Variants in GNA13 observed in about 807,000 individuals in gnomAD.
The protein encoded by GNA13 is guanine nucleotide-binding protein subunit alpha-13.
In GNA13, 4 loss-of-function variants were observed where a neutral mutation model predicts 33.5. The observed-to-expected ratio is 0.12, with a 90% CI of 0.06 to 0.27. GNA13 has a LOEUF of 0.27. GNA13 is among the 10% of genes least tolerant of loss of function. The pLI is 1.00. For missense variants in GNA13, 319 were observed against 487.2 expected (o/e 0.65, Z 3.25); for synonymous variants, 176 against 183.8 (o/e 0.96, Z 0.34).
Position 65,014,661 on chromosome 17 carries a change from G to C in GNA13, c.730C>G (p.Leu244Val). Residue 244 changes from leucine to valine, a missense_variant, in exon 4 of 4, where the codon CTT becomes GTT. Leu to Val is a conservative substitution (Grantham distance 32, BLOSUM62 1). Around this residue, in one of 4 missense-constraint regions of GNA13, gnomAD observed 134 missense variants for 241.3 expected, o/e 0.56. Coordinates refer to ENST00000439174, the MANE Select transcript of GNA13 (RefSeq NM_006572.6). This position sits in a 1 kb window ranked among gnomAD's most constrained non-coding sequence, Gnocchi z 5.3. Reference sequence around the variant, plus strand: ...AATTCACTTGAGGAAACAAGGAAAAGTATTGATGTCACACTGTCGAAACAT... The same window carrying C: ...AATTCACTTGAGGAAACAAGGAAAACTATTGATGTCACACTGTCGAAACAT... ...FECFDSVTSILFLVSSSEFDQ... is the reference protein window; with the variant it reads ...FECFDSVTSIVFLVSSSEFDQ... The C allele has an allele frequency of 6.2e-7, 1 of 1,614,194 alleles. No individual in the cohort carries two copies. Among genetic ancestry groups the C allele is most frequent in the Non-Finnish European group, 8.5e-7 (1 of 1,180,020 alleles).
intron 2 of GNA13, among the ~76,000 whole-genome samples, chr17:65,042,063 A>G (rs1173083167): frequency 6.6e-6 from 1 of 152,210 alleles, no homozygotes; most frequent in Non-Finnish European, 1.5e-5. Context: ...GGTACTGTGA[A>G]AAAATGAAGA....
In GNA13 at chr17:65,053,580, T is replaced by C. The variant is rs41300618; in HGVS notation, c.432A>G (p.Gln144=). 20,089 of 1,613,844 alleles carry C rather than the reference T, an allele frequency of 0.012. 154 individuals carry two copies. Among genetic ancestry groups the C allele is most frequent in the Admixed American group, 0.025 (1,514 of 60,016 alleles). The stretch of plus-strand genomic sequence containing the variant: ...ATAATGCTCTTATAGCAGGAAGATA[T>C]TGTAAGAAAACCCTTGTTTCCACCA... The part of the protein sequence containing the change: ...QGMVETRVFL[Q]YLPAIRALWA... Residue 144 remains glutamine (Q), a synonymous_variant, in exon 2 of 4, where the codon CAA becomes CAG. Coordinates refer to ENST00000439174, the MANE Select transcript of GNA13 (RefSeq NM_006572.6).
intron 2 of GNA13, among the ~76,000 whole-genome samples, chr17:65,033,727 A>G (rs1481689187): frequency 1.3e-5 from 2 of 151,940 alleles, no homozygotes; most frequent in Non-Finnish European, 2.9e-5. Flanking sequence ...TAAAATTTTC[A>G]AAAGAGGCCG....
In GNA13 at chr17:65,014,928, A is replaced by G; in HGVS notation, c.562-99T>C. The G allele has an allele frequency of 1.5e-6, 1 of 680,410 alleles. No individual in the cohort carries two copies. The highest frequency in any genetic ancestry group is 2.5e-6 in the Non-Finnish European group (1 of 397,248). The allele number at this position is 680,410 out of a possible 1,614,324, so 42.1% of individuals were successfully genotyped here. ...ACTAGTGAATAGATATGCAAACAAA[A>G]TGATCTTTTAAGTGACATTTTCAGA... On this transcript the variant is annotated intron_variant, in intron 3 of 3. Transcript: ENST00000439174. This position sits in a 1 kb window ranked among gnomAD's most constrained non-coding sequence, Gnocchi z 5.3.
intron 2 of GNA13, among the ~76,000 whole-genome samples, chr17:65,037,418 T>C (rs1278209412): frequency 6.6e-6 from 1 of 152,210 alleles, no homozygotes; most frequent in East Asian, 1.9e-4. Flanking sequence ...CCTGCTGCCA[T>C]AGTCAGCATA....
chr17:65,053,206 C>T (rs1394259781), intron 2 of GNA13: 1 of 305,334 alleles, frequency 3.3e-6, no homozygotes, highest in African/African-American at 2.2e-5. Flanking sequence ...TTTGAAATAT[C>T]TGCATACATA....
At chr17:65,021,574 C>T (rs954915913) in intron 2 of GNA13, among the ~76,000 whole-genome samples, 1 of 152,156 alleles carries the variant, frequency 6.6e-6, no homozygotes, top group Non-Finnish European at 1.5e-5. Flanking sequence ...TTCTGCACAG[C>T]TAAAATATTA....
chr17:65,044,742 A>G (rs1907592773), intron 2 of GNA13, among the ~76,000 whole-genome samples: 1 of 152,168 alleles, frequency 6.6e-6, no homozygotes, highest in Non-Finnish European at 1.5e-5. Context: ...GAAGCATTTC[A>G]AAGGAGTTCA....
intron 2 of GNA13, among the ~76,000 whole-genome samples, chr17:65,021,668 C>A (rs1438271876): frequency 2.0e-5 from 3 of 152,184 alleles, no homozygotes; most frequent in Non-Finnish European, 2.9e-5. Context: ...AAGAACTGAT[C>A]TGCTGTTTTA....
intron 1 of GNA13, chr17:65,055,631 AT>A (rs1165394210): frequency 6.0e-5 from 59 of 985,246 alleles, no homozygotes; most frequent in Non-Finnish European, 7.1e-5. Flanking sequence ...CAGATGCTAC[AT>A]TTTCATGCTA....
intron 2 of GNA13, among the ~76,000 whole-genome samples, chr17:65,045,507 C>CAAAA (rs369520601): frequency 1.2e-4 from 10 of 86,890 alleles, no homozygotes; most frequent in East Asian, 3.7e-4. Context: ...GACTCTGTCT[C>CAAAA]AAAAAAAAAA....
At chr17:65,022,135 A>G (rs748782093) in intron 2 of GNA13, among the ~76,000 whole-genome samples, 1 of 152,224 alleles carries the variant, frequency 6.6e-6, no homozygotes, top group Admixed American at 6.5e-5. Context: ...AACTTAAAAG[A>G]CTATTTCATG....
rs545394137 is a variant in GNA13, at chr17:65,025,328, T to A, written c.511-7025A>T. 2.1e-3 allele frequency among the ~76,000 whole-genome samples: 326 copies of A among 152,304 alleles called. 2 individuals carry two copies. The highest frequency in any genetic ancestry group is 3.8e-3 in the Non-Finnish European group (259 of 68,022). Reference sequence around the variant, plus strand: ...TAAGTCTATATATAGCTTCCTCTTTTAAAAAAACTTATTTGACAATTCTGA... The same window carrying A: ...TAAGTCTATATATAGCTTCCTCTTTAAAAAAAACTTATTTGACAATTCTGA... On this transcript the variant is annotated intron_variant, in intron 2 of 3. Transcript: ENST00000439174.
At chr17:65,028,981 A>C (rs1906903628) in intron 2 of GNA13, among the ~76,000 whole-genome samples, 1 of 152,208 alleles carries the variant, frequency 6.6e-6, no homozygotes, top group South Asian at 2.1e-4. Context: ...AGAAAAAAAA[A>C]GGAGGCAGAG....
At position 65,056,626 on chromosome 17, in the gene GNA13, C is replaced by T. The variant is rs1457454484; in HGVS notation, c.-33G>A. On this transcript the variant is annotated 5_prime_UTR_variant, in exon 1 of 4. Coordinates refer to ENST00000439174, the MANE Select transcript of GNA13 (RefSeq NM_006572.6). ...CCGCCGCCGCCGCCTCGGCGGGCCC[C>T]TCCGGCTCCCTCCACCTCCTCCTCC... The T allele has an allele frequency of 6.3e-7, 1 of 1,579,766 alleles. No individual in the cohort carries two copies. Among genetic ancestry groups the T allele is most frequent in the Non-Finnish European group, 8.6e-7 (1 of 1,165,282 alleles).
At chr17:65,055,892 C>CCCCT in intron 1 of GNA13, 1 of 282,574 alleles carries the variant, frequency 3.5e-6, no homozygotes, top group Non-Finnish European at 5.4e-6. Context: ...CGGCCCACAT[C>CCCCT]GCCCGAGCAG....
intron 2 of GNA13, among the ~76,000 whole-genome samples, chr17:65,041,244 C>T (rs1907441232): frequency 6.6e-6 from 1 of 152,162 alleles, no homozygotes; most frequent in Admixed American, 6.6e-5. Context: ...AAAGAAATGG[C>T]CTATTTACAA....
At chr17:65,048,152 T>C (rs1468168419) in intron 2 of GNA13, among the ~76,000 whole-genome samples, 2 of 152,224 alleles carry the variant, frequency 1.3e-5, no homozygotes, top group Non-Finnish European at 2.9e-5. Context: ...AGCTGTGGGA[T>C]GTTCCTCCCA....
intron 2 of GNA13, among the ~76,000 whole-genome samples, chr17:65,050,570 A>T (rs950275236): frequency 1.5e-4 from 23 of 151,780 alleles, no homozygotes; most frequent in African/African-American, 3.9e-4. Flanking sequence ...CTCTACAAAA[A>T]TTTTTTTTTA....
Sources: gnomAD v4.1 joint callset for allele counts (sites outside exome capture counted in the v4.1 genomes callset) on GRCh38, gnomAD v4.1.1 for gene constraint, gnomAD v4.1.1 regional missense constraint, Gnocchi (gnomAD v3.1) non-coding constraint, MANE v1.5 for transcripts, NCBI Gene and HGNC (gene_info 2026-07-23, HGNC 2026-07-21) for gene names.